Variants in ZNF33B observed in about 807,000 individuals in gnomAD.
ZNF33B encodes zinc finger protein 33B.
In ZNF33B, 29 loss-of-function variants were observed where a neutral mutation model predicts 45.8. That is an observed-to-expected ratio of 0.63 (90% CI 0.47 to 0.86). The LOEUF is 0.86. Among genes scored for constraint, ZNF33B ranks in the 40% least tolerant of loss-of-function variants. The pLI is 0.00. For synonymous variants in ZNF33B, 305 were observed against 307.8 expected (o/e 0.99, Z 0.10); for missense variants, 831 against 909.9 (o/e 0.91, Z 1.12).
At chr10:42,607,170 G>T (rs149965378) in intron 4 of ZNF33B, among the ~76,000 whole-genome samples, 47 of 152,202 alleles carry the variant, frequency 3.1e-4, no homozygotes, top group African/African-American at 1.0e-3. Flanking sequence ...TAATGTTTCT[G>T]TATTTTACTA....
At chr10:42,623,549 T>G (rs1421394088) in intron 4 of ZNF33B, among the ~76,000 whole-genome samples, 1 of 152,204 alleles carries the variant, frequency 6.6e-6, no homozygotes, top group African/African-American at 2.4e-5. Flanking sequence ...GCTGAAAGCA[T>G]CATGCTAAGT....
At position 42,612,973 on chromosome 10, in the gene ZNF33B, G is replaced by A. The variant is rs370698103; in HGVS notation, c.251-18274C>T. ...TCAAGGAATTACCCATTTCACCTAA[G>A]TCATGGGTTAAGAAGAAGCCAGGAA... On this transcript the variant is annotated intron_variant, in intron 4 of 4. Coordinates refer to ENST00000359467, the MANE Select transcript of ZNF33B (RefSeq NM_006955.3). Among the ~76,000 whole-genome samples, 35 of 152,212 alleles carry A rather than the reference G, an allele frequency of 2.3e-4. 1 individual carries two copies. Among genetic ancestry groups the A allele is most frequent in the African/African-American group, 8.4e-4 (35 of 41,528 alleles).
At chr10:42,596,889 TCTA>T (rs750541721) in intron 4 of ZNF33B, among the ~76,000 whole-genome samples, 10 of 152,040 alleles carry the variant, frequency 6.6e-5, no homozygotes, top group Non-Finnish European at 1.5e-4. Flanking sequence ...TAAAGACATT[TCTA>T]CTTCTTTTCC....
chr10:42,604,283 A>G (rs1837749600), intron 4 of ZNF33B, among the ~76,000 whole-genome samples: 1 of 152,050 alleles, frequency 6.6e-6, no homozygotes, highest in African/African-American at 2.4e-5. Flanking sequence ...TGTCTCTACT[A>G]AAAATACAAA....
chr10:42,629,019 C>A (rs1043096610), intron 4 of ZNF33B, among the ~76,000 whole-genome samples: 1 of 152,180 alleles, frequency 6.6e-6, no homozygotes, highest in African/African-American at 2.4e-5. Flanking sequence ...ATGTTTACTG[C>A]AGCACTGTTC....
At chr10:42,622,324 T>A (rs1205682948) in intron 4 of ZNF33B, among the ~76,000 whole-genome samples, 1 of 152,082 alleles carries the variant, frequency 6.6e-6, no homozygotes, top group Non-Finnish European at 1.5e-5. Context: ...TTTACCAAAA[T>A]AAAAAGCTGA....
Position 42,592,891 on chromosome 10 carries a change from GCTTT to G in ZNF33B, c.2055_2058del (p.Arg685SerfsTer87), listed in dbSNP as rs775712887. On this transcript the variant is annotated frameshift_variant, in exon 5 of 5. Coordinates refer to ENST00000359467, the MANE Select transcript of ZNF33B (RefSeq NM_006955.3). LOFTEE classifies it high-confidence loss of function. ...CATTCATAGGGTTTCTCCCCCGTGT[GCTTT>G]CTCTCATGTAAAATAAGTCCTGACT... 8.7e-6 allele frequency: 14 copies of G among 1,614,040 alleles called. No individual in the cohort carries two copies. Among genetic ancestry groups the G allele is most frequent in the African/African-American group, 1.3e-5 (1 of 75,018 alleles).
At chr10:42,576,945 C>A (rs1356775132) in intron 1 of ZNF33B, among the ~76,000 whole-genome samples, 1 of 151,966 alleles carries the variant, frequency 6.6e-6, no homozygotes, top group Non-Finnish European at 1.5e-5. Flanking sequence ...CCAGCCTGAC[C>A]AACAAGATGA....
At chr10:42,623,714 C>A (rs191051513) in intron 4 of ZNF33B, among the ~76,000 whole-genome samples, 1 of 151,992 alleles carries the variant, frequency 6.6e-6, no homozygotes, top group African/African-American at 2.4e-5. Flanking sequence ...AATACAGTTT[C>A]TGTTTGAAAT....
chr10:42,625,120 C>T (rs955761926), intron 4 of ZNF33B, among the ~76,000 whole-genome samples: 3 of 151,192 alleles, frequency 2.0e-5, no homozygotes, highest in African/African-American at 7.3e-5. Flanking sequence ...TGAGAAAAAC[C>T]TTACTGGAAT....
At chr10:42,583,311 G>C in intron 1 of ZNF33B, 1 of 444,092 alleles carries the variant, frequency 2.3e-6, no homozygotes, top group South Asian at 2.3e-5. Flanking sequence ...CAGAGGAACC[G>C]ATTCCCTGGA....
chr10:42,618,115 A>G (rs777573893), intron 4 of ZNF33B, among the ~76,000 whole-genome samples: 44 of 152,150 alleles, frequency 2.9e-4, no homozygotes, highest in Admixed American at 9.8e-4. Flanking sequence ...TACACTCTTG[A>G]TATCATTACC....
chr10:42,616,675 G>A (rs1259923852), intron 4 of ZNF33B, among the ~76,000 whole-genome samples: 1 of 151,992 alleles, frequency 6.6e-6, no homozygotes, highest in East Asian at 1.9e-4. Context: ...AACAAATAGT[G>A]TACAATATGT....
At chr10:42,629,169 A>T (rs533760711) in intron 4 of ZNF33B, among the ~76,000 whole-genome samples, 1 of 152,330 alleles carries the variant, frequency 6.6e-6, no homozygotes, top group African/African-American at 2.4e-5. Context: ...CAACCTAGAC[A>T]GAAATGGAGG....
At chr10:42,622,651 T>C (rs1838641053) in intron 4 of ZNF33B, among the ~76,000 whole-genome samples, 1 of 152,156 alleles carries the variant, frequency 6.6e-6, no homozygotes. Flanking sequence ...ACAACAGTCA[T>C]ACTCACAGAC....
At chr10:42,604,078 A>G (rs1239412838) in intron 4 of ZNF33B, among the ~76,000 whole-genome samples, 3 of 152,260 alleles carry the variant, frequency 2.0e-5, no homozygotes, top group African/African-American at 7.2e-5. Flanking sequence ...TATACAGGAA[A>G]AATGGCAGGC....
intron 4 of ZNF33B, among the ~76,000 whole-genome samples, chr10:42,597,093 T>G (rs914767271): frequency 6.6e-6 from 1 of 152,132 alleles, no homozygotes; most frequent in African/African-American, 2.4e-5. Flanking sequence ...CTTCTATTCT[T>G]CATTTGAGAG....
downstream of ZNF33B, among the ~76,000 whole-genome samples, chr10:42,585,452 T>C (rs773893376): frequency 6.6e-6 from 1 of 152,026 alleles, no homozygotes; most frequent in Non-Finnish European, 1.5e-5. Context: ...GCAGAGAAAA[T>C]GGGGGTGCTA....
At chr10:42,605,676 C>T (rs1328626662) in intron 4 of ZNF33B, among the ~76,000 whole-genome samples, 2 of 152,052 alleles carry the variant, frequency 1.3e-5, no homozygotes, top group African/African-American at 4.8e-5. Context: ...GGCAATGATA[C>T]GAGAGAGTAA....
Sources: allele counts gnomAD v4.1 joint callset (sites outside exome capture counted in the v4.1 genomes callset), GRCh38; gene constraint gnomAD v4.1.1; transcripts MANE v1.5; gene names NCBI Gene and HGNC (gene_info 2026-07-23, HGNC 2026-07-21).